The following KCNK2 variants were observed in gnomAD, a reference collection of about 807,000 sequenced individuals.
KCNK2 encodes the protein potassium channel subfamily K member 2.
KCNK2 carries 21 observed loss-of-function variants against 40.5 expected under a neutral mutation model. The ratio of observed to expected loss-of-function variants is 0.52; its 90% CI spans 0.37 to 0.75. KCNK2 has a LOEUF of 0.75. Among genes scored for constraint, KCNK2 ranks in the 30% least tolerant of loss-of-function variants. The pLI, the probability that KCNK2 is intolerant of heterozygous loss-of-function variation, is 0.00. For missense variants in KCNK2, 399 were observed against 531.6 expected (o/e 0.75, Z 2.45); for synonymous variants, 191 against 202.2 (o/e 0.94, Z 0.47).
chr1:215,096,674 A>G (rs148249245), intron 2 of KCNK2, among the ~76,000 whole-genome samples: 14 of 152,084 alleles, frequency 9.2e-5, no homozygotes, highest in African/African-American at 3.4e-4. Context: ...TCTTCATGAC[A>G]TGGACCATTT....
chr1:215,172,975 A>T (rs1007936570), intron 5 of KCNK2, among the ~76,000 whole-genome samples: 1 of 151,886 alleles, frequency 6.6e-6, no homozygotes, highest in Non-Finnish European at 1.5e-5. Context: ...TTATTTTTTA[A>T]AATATATATA....
chr1:215,154,430 T>G (rs1366711285), intron 3 of KCNK2, among the ~76,000 whole-genome samples: 2 of 152,086 alleles, frequency 1.3e-5, no homozygotes, highest in African/African-American at 4.8e-5. Flanking sequence ...TTGATGGGTT[T>G]TTTTTTTTCT....
chr1:215,138,973 A>G (rs1662046825), intron 3 of KCNK2, among the ~76,000 whole-genome samples: 1 of 152,244 alleles, frequency 6.6e-6, no homozygotes, highest in Non-Finnish European at 1.5e-5. Flanking sequence ...TAATGCAGAA[A>G]GAAAATCATA....
intron 1 of KCNK2, among the ~76,000 whole-genome samples, chr1:215,007,041 G>A (rs1357549625): frequency 1.3e-3 from 144 of 110,228 alleles, no homozygotes; most frequent in African/African-American, 5.5e-3. Context: ...ATATATATGT[G>A]TGTGTGTGTA....
chr1:215,086,028 C>A (rs921925791), intron 1 of KCNK2, among the ~76,000 whole-genome samples: 2 of 152,154 alleles, frequency 1.3e-5, no homozygotes, highest in Non-Finnish European at 2.9e-5. Context: ...AGTTCAGTAT[C>A]TCTTTGTGGA....
intron 3 of KCNK2, among the ~76,000 whole-genome samples, chr1:215,162,276 T>A (rs1663234648): frequency 6.6e-6 from 1 of 152,212 alleles, no homozygotes; most frequent in Non-Finnish European, 1.5e-5. Flanking sequence ...GGGTTGTTTT[T>A]TTCTTGTAAA....
chr1:215,210,194 C>T (rs1665679278), intron 6 of KCNK2, among the ~76,000 whole-genome samples: 1 of 148,996 alleles, frequency 6.7e-6, no homozygotes, highest in African/African-American at 2.5e-5. Context: ...TGTGTACACA[C>T]ATATGTATGT....
chr1:215,194,490 T>G (rs934056353), intron 5 of KCNK2, among the ~76,000 whole-genome samples: 1 of 152,216 alleles, frequency 6.6e-6, no homozygotes, highest in Non-Finnish European at 1.5e-5. Context: ...CTAGAGTTGT[T>G]CACTTGCTGT....
At chr1:215,233,327 T>C (rs1252841949) in intron 6 of KCNK2, among the ~76,000 whole-genome samples, 2 of 151,996 alleles carry the variant, frequency 1.3e-5, no homozygotes, top group Non-Finnish European at 2.9e-5. Context: ...CCTGTTAAAA[T>C]AAAAAATAGA....
intron 3 of KCNK2, among the ~76,000 whole-genome samples, chr1:215,147,607 G>A (rs967528866): frequency 1.3e-5 from 2 of 152,068 alleles, no homozygotes; most frequent in Admixed American, 6.5e-5. Flanking sequence ...TGAGGCGGGC[G>A]GATCACCTGA....
At chr1:215,151,190 C>A (rs545030324) in intron 3 of KCNK2, among the ~76,000 whole-genome samples, 1 of 152,188 alleles carries the variant, frequency 6.6e-6, no homozygotes, top group Admixed American at 6.5e-5. Context: ...TATTGCACAT[C>A]TACCTTTATC....
At position 215,083,230 on chromosome 1, in the gene KCNK2, T is replaced by TCCCC; in HGVS notation, c.-155_-152dup. 2.4e-6 allele frequency: 2 copies of TCCCC among 828,154 alleles called. No individual in the cohort carries two copies. The highest frequency in any genetic ancestry group is 2.6e-5 in the African/African-American group (1 of 38,406). 51.3% of individuals were successfully genotyped at this position (828,154 alleles called of 1,614,324 possible). A position where few individuals can be genotyped will look rare whatever the true frequency, so the allele number is the denominator to read the frequency against. On this transcript the variant is annotated 5_prime_UTR_variant, in exon 1 of 7. Transcript: ENST00000444842. The stretch of plus-strand genomic sequence containing the variant: ...CCCCCTCCCGCGTCCAGCCCCGCTC[T>TCCCC]CCCCACCTTGTAAAACAAAGCCGGG...
chr1:215,152,959 C>T (rs959179172), intron 3 of KCNK2, among the ~76,000 whole-genome samples: 4 of 152,104 alleles, frequency 2.6e-5, no homozygotes, highest in African/African-American at 9.7e-5. Context: ...ACTACTGCCT[C>T]CACATTTGAA....
chr1:215,127,576 G>C (rs1221821507), intron 3 of KCNK2, among the ~76,000 whole-genome samples: 1 of 151,882 alleles, frequency 6.6e-6, no homozygotes, highest in African/African-American at 2.4e-5. Context: ...CACCATTTTT[G>C]TCCAAAGCAG....
At chr1:215,045,158 TG>T (rs1288069203) in intron 1 of KCNK2, among the ~76,000 whole-genome samples, 1 of 150,860 alleles carries the variant, frequency 6.6e-6, no homozygotes, top group Non-Finnish European at 1.5e-5. Context: ...AACTCCAGCC[TG>T]GGCGACAGAG....
At chr1:215,062,942 C>A (rs568444206) in intron 1 of KCNK2, among the ~76,000 whole-genome samples, 1 of 152,026 alleles carries the variant, frequency 6.6e-6, no homozygotes, top group Non-Finnish European at 1.5e-5. Flanking sequence ...TGAGGACATA[C>A]AATACAATGG....
chr1:215,080,525 T>A (rs1032907070), upstream of KCNK2, among the ~76,000 whole-genome samples: 1 of 152,082 alleles, frequency 6.6e-6, no homozygotes, highest in Admixed American at 6.5e-5. Flanking sequence ...TATAAGAAAA[T>A]GTCAGCTATT....
At chr1:215,028,590 A>C (rs552671112) in intron 1 of KCNK2, among the ~76,000 whole-genome samples, 1 of 152,140 alleles carries the variant, frequency 6.6e-6, no homozygotes, top group Non-Finnish European at 1.5e-5. Flanking sequence ...AATTACTTTT[A>C]GTTCTTCTTC....
intron 1 of KCNK2, among the ~76,000 whole-genome samples, chr1:215,013,835 T>G (rs1232586690): frequency 6.6e-6 from 1 of 152,202 alleles, no homozygotes; most frequent in Non-Finnish European, 1.5e-5. Flanking sequence ...ATTTAGGTTT[T>G]CTATATCAAT....
Sources: gnomAD v4.1 joint callset for allele counts (sites outside exome capture counted in the v4.1 genomes callset) on GRCh38, gnomAD v4.1.1 for gene constraint, MANE v1.5 for transcripts, NCBI Gene and HGNC (gene_info 2026-07-23, HGNC 2026-07-21) for gene names.